The following ELOVL6 variants were observed in gnomAD, a reference collection of about 807,000 sequenced individuals.
ELOVL6 encodes the protein very long chain fatty acid elongase 6.
A neutral mutation model predicts 31.7 loss-of-function variants in ELOVL6; 8 were observed. The ratio of observed to expected loss-of-function variants is 0.25; its 90% CI spans 0.15 to 0.45. The LOEUF is 0.45. Ranked by LOEUF, ELOVL6 falls within the 20% of genes least tolerant of loss-of-function variation. The pLI, the probability that ELOVL6 is intolerant of heterozygous loss-of-function variation, is 1.00. For missense variants in ELOVL6, 126 were observed against 326.4 expected, an observed-to-expected ratio of 0.39 and a Z score of 4.73; for synonymous variants, 101 against 117.7, an observed-to-expected ratio of 0.86 and a Z score of 0.92.
At chr4:110,067,893 A>C (rs1578450794) in intron 2 of ELOVL6, among the ~76,000 whole-genome samples, 1 of 152,284 alleles carries the variant, frequency 6.6e-6, no homozygotes, top group African/African-American at 2.4e-5. Flanking sequence ...CACATATTTT[A>C]AGTTGATATC....
chr4:110,084,319 TA>T (rs1756102346), intron 2 of ELOVL6, among the ~76,000 whole-genome samples: 1 of 110,610 alleles, frequency 9.0e-6, no homozygotes, highest in African/African-American at 3.3e-5. Context: ...ATAACATATA[TA>T]AATTTGATAT....
chr4:110,087,914 T>C (rs1756315484), intron 2 of ELOVL6, among the ~76,000 whole-genome samples: 1 of 152,208 alleles, frequency 6.6e-6, no homozygotes. Flanking sequence ...ATTTTGTCCT[T>C]AACAATTAGA....
chr4:110,151,696 A>C (rs1758283714), intron 1 of ELOVL6, among the ~76,000 whole-genome samples: 1 of 152,218 alleles, frequency 6.6e-6, no homozygotes, highest in South Asian at 2.1e-4. Flanking sequence ...AAGAAGTCTA[A>C]AAGGCAATCT....
intron 1 of ELOVL6, among the ~76,000 whole-genome samples, chr4:110,135,540 G>A (rs1299581633): frequency 6.6e-6 from 1 of 152,164 alleles, no homozygotes; most frequent in African/African-American, 2.4e-5. Flanking sequence ...CAGGGTAGCA[G>A]GGTAGTAGCC....
chr4:110,151,176 C>T (rs1355772981), intron 1 of ELOVL6, among the ~76,000 whole-genome samples: 1 of 151,340 alleles, frequency 6.6e-6, no homozygotes, highest in Non-Finnish European at 1.5e-5. Flanking sequence ...TATCTTTTAT[C>T]CAAAATGCTT....
At chr4:110,119,837 C>T (rs1246535767) in intron 1 of ELOVL6, among the ~76,000 whole-genome samples, 2 of 152,140 alleles carry the variant, frequency 1.3e-5, no homozygotes, top group Non-Finnish European at 2.9e-5. Context: ...TTTATTCTTA[C>T]AAGTTTCTCT....
chr4:110,089,588 T>C (rs1756363037), intron 2 of ELOVL6, among the ~76,000 whole-genome samples: 1 of 152,232 alleles, frequency 6.6e-6, no homozygotes, highest in African/African-American at 2.4e-5. Flanking sequence ...GATTTCCTGA[T>C]AATTGAAATT....
At chr4:110,172,548 T>C (rs930527733) in intron 1 of ELOVL6, among the ~76,000 whole-genome samples, 2 of 151,988 alleles carry the variant, frequency 1.3e-5, no homozygotes, top group East Asian at 1.9e-4. Context: ...GGATTAGAGG[T>C]AGATAGTACT....
chr4:110,086,874 A>C (rs941329878), intron 2 of ELOVL6, among the ~76,000 whole-genome samples: 1 of 152,194 alleles, frequency 6.6e-6, no homozygotes, highest in Non-Finnish European at 1.5e-5. Flanking sequence ...ATCCGGAATT[A>C]GGAAAGTTCT....
At position 110,141,855 on chromosome 4, in the gene ELOVL6, G is replaced by GTATATATATATATATATATA. The variant is rs57733252; in HGVS notation, c.90-36247_90-36228dup. 2.1e-3 allele frequency among the ~76,000 whole-genome samples: 269 copies of GTATATATATATATATATATA among 126,584 alleles called. 4 individuals are homozygous for GTATATATATATATATATATA. Among genetic ancestry groups the GTATATATATATATATATATA allele is most frequent in the Non-Finnish European group, 2.5e-3 (153 of 60,444 alleles). The allele number at this position is 126,584 out of a possible 152,430, so 83.0% of individuals were successfully genotyped here. Reference sequence around the variant, plus strand: ...TATATACACTAACACAATACAATTAGTATATATATATATATATATACTAAT... The same window carrying GTATATATATATATATATATA: ...TATATACACTAACACAATACAATTAGTATATATATATATATATATATATATATATATATATATATACTAAT... On this transcript the variant is annotated intron_variant, in intron 1 of 3. Coordinates refer to ENST00000302274, the MANE Select transcript of ELOVL6 (RefSeq NM_024090.3).
chr4:110,130,095 A>C (rs1233236579), intron 1 of ELOVL6, among the ~76,000 whole-genome samples: 1 of 151,702 alleles, frequency 6.6e-6, no homozygotes, highest in Non-Finnish European at 1.5e-5. Flanking sequence ...ATGGGGTTTC[A>C]CCATGTTGGC....
At chr4:110,151,411 G>A (rs935518282) in intron 1 of ELOVL6, among the ~76,000 whole-genome samples, 2 of 152,018 alleles carry the variant, frequency 1.3e-5, no homozygotes, top group African/African-American at 2.4e-5. Flanking sequence ...CTTGAGGTCT[G>A]GTGTGGAATT....
At chr4:110,120,454 A>G (rs1757312060) in intron 1 of ELOVL6, among the ~76,000 whole-genome samples, 1 of 152,124 alleles carries the variant, frequency 6.6e-6, no homozygotes, top group Non-Finnish European at 1.5e-5. Flanking sequence ...GAGTGTGATA[A>G]CAATAGTTAA....
intron 2 of ELOVL6, among the ~76,000 whole-genome samples, chr4:110,080,676 T>C (rs143249802): frequency 0.11 from 17,478 of 152,202 alleles, 1,206 homozygotes; most frequent in South Asian, 0.2. Context: ...CTTTGAAAAC[T>C]GGCACAAGAC....
Position 110,164,988 on chromosome 4 carries a change from CCCA to C in ELOVL6, c.89+33256_89+33258del, listed in dbSNP as rs1042288596. ...CGAGGAGCTGGGACTACACGTGCAC[CCCA>C]CCACACCCAACTAAGAAAGGATTTC... On this transcript the variant is annotated intron_variant, in intron 1 of 3. Coordinates refer to ENST00000302274, the MANE Select transcript of ELOVL6 (RefSeq NM_024090.3). 1.4e-4 allele frequency among the ~76,000 whole-genome samples: 21 copies of C among 151,958 alleles called. 1 individual carries two copies. The East Asian group carries it at 2.8e-3, about 20-fold the overall frequency.
At chr4:110,115,478 T>C (rs1026429268) in intron 1 of ELOVL6, among the ~76,000 whole-genome samples, 1 of 152,192 alleles carries the variant, frequency 6.6e-6, no homozygotes, top group Non-Finnish European at 1.5e-5. Context: ...GCATGATGGC[T>C]CATGCCTGTA....
chr4:110,084,133 T>TG (rs1560814174), intron 2 of ELOVL6, among the ~76,000 whole-genome samples: 525 of 33,090 alleles, frequency 0.016, 89 homozygotes, highest in East Asian at 0.11. Context: ...ATATATGTGA[T>TG]AATGATATAT....
At chr4:110,109,089 T>C (rs1301281486) in intron 1 of ELOVL6, among the ~76,000 whole-genome samples, 1 of 152,184 alleles carries the variant, frequency 6.6e-6, no homozygotes, top group Non-Finnish European at 1.5e-5. Context: ...TCAAGATGAA[T>C]AATGGTTTGC....
chr4:110,180,956 G>A (rs1759254142), intron 1 of ELOVL6, among the ~76,000 whole-genome samples: 1 of 152,118 alleles, frequency 6.6e-6, no homozygotes, highest in Non-Finnish European at 1.5e-5. Flanking sequence ...AGGCCCCATA[G>A]CAAGACTCAG....
Sources: gnomAD v4.1 joint callset for allele counts (sites outside exome capture counted in the v4.1 genomes callset) on GRCh38, gnomAD v4.1.1 for gene constraint, MANE v1.5 for transcripts, NCBI Gene and HGNC (gene_info 2026-07-23, HGNC 2026-07-21) for gene names.